Variants in NBAS observed in about 807,000 individuals in gnomAD.
NBAS encodes NBAS subunit of NRZ tethering complex.
NBAS carries 219 observed loss-of-function variants against 302.5 expected under a neutral mutation model. That is an observed-to-expected ratio of 0.72 (90% CI 0.65 to 0.81). The LOEUF (loss-of-function observed/expected upper bound fraction) is 0.81. NBAS is among the 30% of genes least tolerant of loss of function. NBAS has a pLI of 0.00. For synonymous variants in NBAS, 1,118 were observed against 1,021.6 expected, an observed-to-expected ratio of 1.09 and a Z score of -1.80; for missense variants, 2,932 against 2,841.6, an observed-to-expected ratio of 1.03 and a Z score of -0.72.
intron 9 of NBAS, among the ~76,000 whole-genome samples, chr2:15,518,191 G>C (rs1313296838): frequency 6.6e-6 from 1 of 151,070 alleles, no homozygotes; most frequent in Non-Finnish European, 1.5e-5. Flanking sequence ...CAAGTGTAGT[G>C]AAATACTCAA....
At chr2:15,146,274 A>G in the NBAS span, among the ~76,000 whole-genome samples, 1 of 152,114 alleles carries the variant, frequency 6.6e-6, no homozygotes, top group Non-Finnish European at 1.5e-5. Context: ...TGGTGTTTAA[A>G]GCCCTGTTTG....
the NBAS span, among the ~76,000 whole-genome samples, chr2:14,990,299 C>T: frequency 6.6e-6 from 1 of 151,368 alleles, no homozygotes; most frequent in South Asian, 2.1e-4. Context: ...TGGTGCACGC[C>T]TGTAGTCCCA....
chr2:14,919,996 A>T, the NBAS span, among the ~76,000 whole-genome samples: 2 of 152,200 alleles, frequency 1.3e-5, no homozygotes, highest in Non-Finnish European at 2.9e-5. Context: ...TGGAATGCTG[A>T]ATTCCTTCCA....
In NBAS at chr2:15,463,103, C is replaced by T. The variant is rs150494262; in HGVS notation, c.2098-1312G>A. Among the ~76,000 whole-genome samples, 502 of 152,102 alleles carry T rather than the reference C, an allele frequency of 3.3e-3. 3 individuals carry two copies. Among genetic ancestry groups the T allele is most frequent in the Non-Finnish European group, 5.0e-3 (341 of 67,988 alleles). On this transcript the variant is annotated intron_variant, in intron 19 of 51. Coordinates refer to ENST00000281513, the MANE Select transcript of NBAS (RefSeq NM_015909.4). Reference sequence around the variant, plus strand: ...GCTTGGGCAAGATGGCAAGATCTCACCTCAACAACAACAACAAAAAATTAG... The same window carrying T: ...GCTTGGGCAAGATGGCAAGATCTCATCTCAACAACAACAACAAAAAATTAG...
At chr2:15,061,882 A>G in the NBAS span, among the ~76,000 whole-genome samples, 1 of 152,226 alleles carries the variant, frequency 6.6e-6, no homozygotes, top group Admixed American at 6.5e-5. Context: ...AAAGCAAAGC[A>G]TTATATCATT....
At chr2:15,548,600 A>G (rs1350487203) in intron 6 of NBAS, among the ~76,000 whole-genome samples, 2 of 152,076 alleles carry the variant, frequency 1.3e-5, no homozygotes, top group African/African-American at 4.8e-5. Context: ...CTGAGATCGC[A>G]CCACTGCACT....
At chr2:15,372,614 C>T (rs951306907) in intron 31 of NBAS, among the ~76,000 whole-genome samples, 2 of 152,292 alleles carry the variant, frequency 1.3e-5, no homozygotes, top group African/African-American at 4.8e-5. Flanking sequence ...AGGCAATATT[C>T]CATCTTCACA....
chr2:14,908,172 G>A, the NBAS span, among the ~76,000 whole-genome samples: 1 of 152,132 alleles, frequency 6.6e-6, no homozygotes, highest in Non-Finnish European at 1.5e-5. Context: ...GACCATCCTG[G>A]CTAACACGGT....
At chr2:14,796,705 A>C in the NBAS span, among the ~76,000 whole-genome samples, 270 of 152,188 alleles carry the variant, frequency 1.8e-3, 2 homozygotes, top group African/African-American at 6.2e-3. Flanking sequence ...TGCTGGTTCC[A>C]GATGAAGTCC....
At chr2:15,559,393 T>C (rs760243076) in intron 1 of NBAS, among the ~76,000 whole-genome samples, 3 of 152,206 alleles carry the variant, frequency 2.0e-5, no homozygotes, top group East Asian at 3.8e-4. Context: ...GATACGTAAT[T>C]GCTATATTAA....
chr2:14,803,233 T>G, the NBAS span, among the ~76,000 whole-genome samples: 3 of 152,208 alleles, frequency 2.0e-5, no homozygotes, highest in Non-Finnish European at 4.4e-5. Context: ...ATACAATTCC[T>G]GGCCCTGTGT....
chr2:15,115,528 GTCTCACTCTGTTGCCT>G, the NBAS span, among the ~76,000 whole-genome samples: 1 of 152,084 alleles, frequency 6.6e-6, no homozygotes, highest in Non-Finnish European at 1.5e-5. Flanking sequence ...TAGAGACTGA[GTCTCACTCTGTTGCCT>G]CAGCTGAGTG....
At chr2:15,467,518 C>G (rs182378489) in intron 18 of NBAS, 111 bp from the exon 19 acceptor site, 21 of 1,285,220 alleles carry the variant, frequency 1.6e-5, no homozygotes, top group Admixed American at 1.5e-4. Context: ...TGAAACAGTT[C>G]AGAAAAGCAC....
intron 11 of NBAS, among the ~76,000 whole-genome samples, chr2:15,497,776 T>G (rs975298266): frequency 6.6e-6 from 1 of 152,204 alleles, no homozygotes. Flanking sequence ...ATGGAATATA[T>G]TGATGTTGAT....
At chr2:15,489,709 T>C (rs977732770) in intron 11 of NBAS, among the ~76,000 whole-genome samples, 1 of 152,216 alleles carries the variant, frequency 6.6e-6, no homozygotes, top group Non-Finnish European at 1.5e-5. Context: ...GAGTTATCCT[T>C]CCAGTCCTTC....
chr2:15,344,548 A>T (rs1027196518), intron 35 of NBAS, among the ~76,000 whole-genome samples: 2 of 152,178 alleles, frequency 1.3e-5, no homozygotes, highest in African/African-American at 4.8e-5. Flanking sequence ...AAAGCCCAGG[A>T]CCAGATGGAT....
At chr2:14,933,958 T>C in the NBAS span, among the ~76,000 whole-genome samples, 1 of 152,194 alleles carries the variant, frequency 6.6e-6, no homozygotes, top group Non-Finnish European at 1.5e-5. Flanking sequence ...TAGATTTTTC[T>C]CTTTGTTGCA....
intron 23 of NBAS, among the ~76,000 whole-genome samples, chr2:15,420,869 C>T (rs930950392): frequency 5.9e-5 from 9 of 151,944 alleles, no homozygotes; most frequent in African/African-American, 2.2e-4. Flanking sequence ...AAAAATGCCA[C>T]GCAATAATAA....
intron 25 of NBAS, among the ~76,000 whole-genome samples, chr2:15,404,171 C>T (rs925137860): frequency 3.7e-4 from 57 of 152,212 alleles, no homozygotes; most frequent in African/African-American, 1.3e-3. Flanking sequence ...AAAACAAATA[C>T]CCTAAGAGGT....
Sources: gnomAD v4.1 joint callset for allele counts (sites outside exome capture counted in the v4.1 genomes callset) on GRCh38, gnomAD v4.1.1 for gene constraint, MANE v1.5 for transcripts, NCBI Gene and HGNC (gene_info 2026-07-23, HGNC 2026-07-21) for gene names.